CSMD1: variants seen among roughly 807,000 people sequenced by gnomAD.
CSMD1 encodes the protein CUB and sushi domain-containing protein 1.
Under a neutral mutation model 417.5 loss-of-function variants are expected in CSMD1, and 213 were observed. The observed-to-expected ratio is 0.51, with a 90% CI of 0.46 to 0.57. The LOEUF (loss-of-function observed/expected upper bound fraction) is 0.57. CSMD1 is among the 20% of genes least tolerant of loss of function. The pLI is 0.00. For synonymous variants in CSMD1, 2,862 were observed against 1,736.8 expected (o/e 1.65, Z -16.11); for missense variants, 6,923 against 4,529.7 (o/e 1.53, Z -15.17).
chr8:4,827,645 C>A lies in CSMD1; in HGVS notation c.85+166687G>T, dbSNP rs1225481214. ...TGAATAGGTAAGTCTTTAGGAATTC[C>A]CAGCTTCTCGAAATGCTTACTCTGA... On this transcript the variant is annotated intron_variant, in intron 1 of 69. Transcript: ENST00000635120. 3.3e-5 allele frequency among the ~76,000 whole-genome samples: 5 copies of A among 152,184 alleles called. No individual in the cohort carries two copies. In the East Asian group the frequency reaches 5.8e-4, roughly 18 times the overall value.
At chr8:3,880,420 T>G (rs752720279) in intron 5 of CSMD1, among the ~76,000 whole-genome samples, 1 of 152,216 alleles carries the variant, frequency 6.6e-6, no homozygotes, top group Non-Finnish European at 1.5e-5. Context: ...AGCTTCAGTT[T>G]CCAGGATTTG....
intron 3 of CSMD1, among the ~76,000 whole-genome samples, chr8:4,382,890 T>C (rs1803195836): frequency 6.6e-6 from 1 of 152,150 alleles, no homozygotes; most frequent in Non-Finnish European, 1.5e-5. Context: ...ATTAAATAAA[T>C]TGTTCAAGAA....
chr8:3,311,207 A>G (rs1027529070), intron 23 of CSMD1, among the ~76,000 whole-genome samples: 1 of 152,192 alleles, frequency 6.6e-6, no homozygotes, highest in Non-Finnish European at 1.5e-5. Flanking sequence ...TATTTATTTT[A>G]TAAGAAATTG....
chr8:3,481,291 A>C (rs1409111096), intron 11 of CSMD1, among the ~76,000 whole-genome samples: 1 of 152,122 alleles, frequency 6.6e-6, no homozygotes, highest in Non-Finnish European at 1.5e-5. Flanking sequence ...AAAGAGAAAA[A>C]ACAAGAGGAA....
intron 5 of CSMD1, among the ~76,000 whole-genome samples, chr8:3,855,497 A>G (rs1244731067): frequency 6.6e-6 from 1 of 152,212 alleles, no homozygotes; most frequent in Non-Finnish European, 1.5e-5. Context: ...ATAAGCTCAT[A>G]TGTCAAAAAA....
At chr8:3,413,360 A>T (rs1812934806) in intron 12 of CSMD1, among the ~76,000 whole-genome samples, 1 of 152,166 alleles carries the variant, frequency 6.6e-6, no homozygotes, top group Admixed American at 6.5e-5. Context: ...TTCCATGCTG[A>T]GGATCAAGAG....
intron 1 of CSMD1, among the ~76,000 whole-genome samples, chr8:4,976,344 C>T (rs1377258927): frequency 6.6e-6 from 1 of 152,148 alleles, no homozygotes; most frequent in East Asian, 1.9e-4. Flanking sequence ...CAGTTTCTTT[C>T]AATACATCTT....
intron 6 of CSMD1, among the ~76,000 whole-genome samples, chr8:3,732,105 GA>G (rs1474755920): frequency 1.3e-5 from 2 of 152,200 alleles, no homozygotes; most frequent in Non-Finnish European, 2.9e-5. Context: ...CCAGGGAAAG[GA>G]GGGCCTTGGA....
intron 1 of CSMD1, among the ~76,000 whole-genome samples, chr8:4,674,200 C>T (rs1464372060): frequency 1.3e-5 from 2 of 152,010 alleles, no homozygotes; most frequent in East Asian, 3.9e-4. Flanking sequence ...AAATTTTGGC[C>T]ATACAATTAT....
intron 1 of CSMD1, among the ~76,000 whole-genome samples, chr8:4,703,160 C>A (rs1354320062): frequency 1.3e-5 from 2 of 152,186 alleles, no homozygotes; most frequent in African/African-American, 4.8e-5. Flanking sequence ...GTATGGATCT[C>A]CATTTAAGGA....
chr8:3,395,063 G>C (rs988564929), intron 17 of CSMD1, among the ~76,000 whole-genome samples: 3 of 152,152 alleles, frequency 2.0e-5, no homozygotes, highest in African/African-American at 4.8e-5. Flanking sequence ...TCAGGGAGAG[G>C]GTAACAAGAG....
chr8:3,471,720 C>G (rs987560550), intron 11 of CSMD1, among the ~76,000 whole-genome samples: 1 of 144,334 alleles, frequency 6.9e-6, no homozygotes, highest in Admixed American at 7.0e-5. Flanking sequence ...TTCCTTCCTT[C>G]CTTGCTTTCT....
At chr8:4,025,709 T>C (rs944855310) in intron 4 of CSMD1, among the ~76,000 whole-genome samples, 1 of 152,130 alleles carries the variant, frequency 6.6e-6, no homozygotes, top group African/African-American at 2.4e-5. Context: ...AAAGATTACC[T>C]CTCAAGAAAA....
rs567894251 is a variant in CSMD1 at position 3,912,773 on chromosome 8, C to A, written c.818+85130G>T. 1.1e-4 allele frequency among the ~76,000 whole-genome samples: 16 copies of A among 152,212 alleles called. No homozygotes were observed. The East Asian group carries it at 2.9e-3, about 28-fold the overall frequency. On this transcript the variant is annotated intron_variant, in intron 5 of 69. Transcript: ENST00000635120. ...GCAGTCTGCTCTTGTAGCTCAAGGT[C>A]ACACGAAGGCATGCAATGCTAGCTA... is the stretch of plus-strand genomic sequence containing the variant.
chr8:3,143,775 A>T (rs1401135453), intron 40 of CSMD1, among the ~76,000 whole-genome samples: 2 of 152,182 alleles, frequency 1.3e-5, no homozygotes, highest in Non-Finnish European at 2.9e-5. Flanking sequence ...TGCATCTAAT[A>T]TATTTCCTAG....
chr8:4,230,225 A>G (rs1292421244), intron 3 of CSMD1, among the ~76,000 whole-genome samples: 1 of 152,150 alleles, frequency 6.6e-6, no homozygotes, highest in Non-Finnish European at 1.5e-5. Context: ...ATCTTAATAA[A>G]TGTTTGTGTT....
intron 2 of CSMD1, among the ~76,000 whole-genome samples, chr8:4,573,838 G>C (rs961418263): frequency 1.3e-5 from 2 of 152,194 alleles, no homozygotes; most frequent in African/African-American, 2.4e-5. Context: ...GAGGAATCTA[G>C]AGAAGCAGTC....
At chr8:4,028,002 T>C (rs1016301711) in intron 4 of CSMD1, among the ~76,000 whole-genome samples, 7 of 152,168 alleles carry the variant, frequency 4.6e-5, no homozygotes, top group Admixed American at 2.6e-4. Context: ...ATCAATTAAT[T>C]GAGAACAGTC....
At chr8:4,774,012 A>G (rs890641265) in intron 1 of CSMD1, among the ~76,000 whole-genome samples, 1 of 152,080 alleles carries the variant, frequency 6.6e-6, no homozygotes, top group Non-Finnish European at 1.5e-5. Context: ...CCTGGCCAAC[A>G]TGGTGAAACC....
Sources: gnomAD v4.1 joint callset for allele counts (sites outside exome capture counted in the v4.1 genomes callset) on GRCh38, gnomAD v4.1.1 for gene constraint, MANE v1.5 for transcripts, NCBI Gene and HGNC (gene_info 2026-07-23, HGNC 2026-07-21) for gene names.